DNAJC6: variants seen among roughly 807,000 people sequenced by gnomAD.
DNAJC6 encodes DnaJ heat shock protein family (Hsp40) member C6.
Under a neutral mutation model 110.0 loss-of-function variants are expected in DNAJC6, and 34 were observed. That is an observed-to-expected ratio of 0.31 (90% CI 0.24 to 0.41). The LOEUF is 0.41. DNAJC6 is among the 10% of genes least tolerant of loss of function. The probability of loss-of-function intolerance (pLI) is 1.00; values close to 1 mark genes in which losing one functional copy is unlikely to be tolerated. For missense variants in DNAJC6, 1,031 were observed against 1,207.8 expected, an observed-to-expected ratio of 0.85 and a Z score of 2.17; for synonymous variants, 406 against 437.2, an observed-to-expected ratio of 0.93 and a Z score of 0.89.
chr1:65,279,024 C>G (rs750845424), intron 1 of DNAJC6: 18 of 985,378 alleles, frequency 1.8e-5, no homozygotes, highest in Non-Finnish European at 2.2e-5. Context: ...TCCTGCAAAC[C>G]TGGAGATACT....
intron 1 of DNAJC6, among the ~76,000 whole-genome samples, chr1:65,355,977 T>C (rs1012789264): frequency 6.6e-6 from 1 of 151,496 alleles, no homozygotes; most frequent in African/African-American, 2.4e-5. Context: ...GCCATTCTAT[T>C]AATATTTCTA....
At chr1:65,269,504 G>C (rs758483186) in intron 1 of DNAJC6, among the ~76,000 whole-genome samples, 1 of 152,134 alleles carries the variant, frequency 6.6e-6, no homozygotes, top group Non-Finnish European at 1.5e-5. Context: ...ATAGTGTGGT[G>C]TTCATCCTCC....
intron 1 of DNAJC6, among the ~76,000 whole-genome samples, chr1:65,317,729 G>T (rs1469579217): frequency 2.0e-5 from 3 of 152,154 alleles, no homozygotes; most frequent in Non-Finnish European, 1.5e-5. Context: ...TTTTAGAAGT[G>T]TTATGCTGTG....
At chr1:65,284,810 T>TCCCA (rs1653963070) in intron 1 of DNAJC6, among the ~76,000 whole-genome samples, 1 of 151,972 alleles carries the variant, frequency 6.6e-6, no homozygotes, top group African/African-American at 2.4e-5. Context: ...TGCCTCAGCC[T>TCCCA]CCCAAGTAGC....
At position 65,414,188 on chromosome 1, in the gene DNAJC6, G is replaced by T. The variant is rs1646152153; in HGVS notation, c.*1163G>T. On this transcript the variant is annotated 3_prime_UTR_variant, in exon 19 of 19. Coordinates refer to ENST00000371069, the MANE Select transcript of DNAJC6 (RefSeq NM_001256864.2). ...GGCTTTTTTGTTTTAAAAGTGGTTGGGGATCCACAGGAACGACATTCATAC... is the reference window on the plus strand; with the variant it reads ...GGCTTTTTTGTTTTAAAAGTGGTTGTGGATCCACAGGAACGACATTCATAC... The T allele has an allele frequency of 6.6e-6, 1 of 152,154 alleles. No individual in the cohort carries two copies. Among genetic ancestry groups the T allele is most frequent in the Non-Finnish European group, 1.5e-5 (1 of 68,034 alleles). The allele number at this position is 152,154 out of a possible 1,614,324, so 9.4% of individuals were successfully genotyped here.
chr1:65,366,604 T>C (rs954873008), intron 4 of DNAJC6, among the ~76,000 whole-genome samples: 1 of 152,170 alleles, frequency 6.6e-6, no homozygotes, highest in Admixed American at 6.6e-5. Context: ...GATAGACCGG[T>C]ACTGACAAGT....
At chr1:65,394,603 A>G (rs1645959833) in intron 12 of DNAJC6, among the ~76,000 whole-genome samples, 1 of 152,244 alleles carries the variant, frequency 6.6e-6, no homozygotes, top group African/African-American at 2.4e-5. Context: ...GGATAAGGCT[A>G]GATAACAAAT....
intron 18 of DNAJC6, 107 bp downstream of exon 18, chr1:65,411,533 A>C: frequency 9.2e-7 from 1 of 1,084,512 alleles, no homozygotes; most frequent in Non-Finnish European, 1.3e-6. Flanking sequence ...TATTTTTAAT[A>C]AAATTAAGTC....
chr1:65,384,224 G>A lies in DNAJC6; in HGVS notation c.698G>A (p.Gly233Asp). Reference protein sequence around the residue: ...DGRAASSILVGAMFIFCNLYS... With the variant: ...DGRAASSILVDAMFIFCNLYS... Reference sequence around the variant, plus strand: ...CGGGCGGCATCATCAATTCTGGTTGGTGCTATGTTCATTTTCTGTAATCTC... The same window carrying A: ...CGGGCGGCATCATCAATTCTGGTTGATGCTATGTTCATTTTCTGTAATCTC... The change falls in exon 6 of 19, where the codon GGT becomes GAT. Residue 233 changes from glycine to aspartate, a missense_variant. Coordinates refer to ENST00000371069, the MANE Select transcript of DNAJC6 (RefSeq NM_001256864.2). The A allele has an allele frequency of 1.3e-6, 2 of 1,571,740 alleles. No homozygotes were observed. Among genetic ancestry groups the A allele is most frequent in the Non-Finnish European group, 1.7e-6 (2 of 1,161,688 alleles).
At chr1:65,372,183 GTGTGTC>G (rs1264729978) in intron 4 of DNAJC6, among the ~76,000 whole-genome samples, 2 of 146,410 alleles carry the variant, frequency 1.4e-5, no homozygotes, top group African/African-American at 5.3e-5. Flanking sequence ...GTGTGTGTGT[GTGTGTC>G]ATAGCCAGTT....
chr1:65,385,853 A>G lies in DNAJC6; in HGVS notation c.942A>G (p.Val314=). 1 of 1,613,758 alleles carries G rather than the reference A, an allele frequency of 6.2e-7. No homozygotes were observed. The change falls in exon 7 of 19, where the codon GTA becomes GTG. Residue 314 remains valine, a synonymous_variant. Transcript: ENST00000371069. ...ATGGATGTCGCCCTTACTGTGATGT[A>G]CTCATTGGAGAAACCAAAATATATT... ...QRNGCRPYCD[V]LIGETKIYST... is the part of the protein sequence containing the mutation.
intron 1 of DNAJC6, among the ~76,000 whole-genome samples, chr1:65,312,705 GA>G (rs1557515848): frequency 6.6e-6 from 1 of 152,286 alleles, no homozygotes; most frequent in Non-Finnish European, 1.5e-5. Context: ...CATTTCCCCA[GA>G]ATTTTATTAA....
chr1:65,271,670 CA>C (rs1653509977), intron 1 of DNAJC6, among the ~76,000 whole-genome samples: 1 of 151,790 alleles, frequency 6.6e-6, no homozygotes, highest in African/African-American at 2.4e-5. Flanking sequence ...AGTTGGAGAC[CA>C]GCCTGGCCAA....
At chr1:65,389,214 A>G in intron 9 of DNAJC6, 42 bp from the exon 10 acceptor site, 3 of 1,569,306 alleles carry the variant, frequency 1.9e-6, no homozygotes, top group Non-Finnish European at 8.7e-7. Context: ...TACCAGTTCC[A>G]TTGTTTTTCA....
intron 1 of DNAJC6, among the ~76,000 whole-genome samples, chr1:65,342,145 A>G (rs1029033619): frequency 2.2e-4 from 34 of 152,190 alleles, no homozygotes; most frequent in African/African-American, 8.2e-4. Flanking sequence ...AATAGGAGGC[A>G]GCAAAATGTT....
chr1:65,358,178 CAAAAAAAAAAAAA>C (rs11285114), intron 1 of DNAJC6, among the ~76,000 whole-genome samples: 2 of 80,038 alleles, frequency 2.5e-5, no homozygotes, highest in Admixed American at 3.2e-4. Context: ...GACTCAGTCT[CAAAAAAAAAAAAA>C]AAAAAAAAAC....
chr1:65,306,678 A>G (rs1385133893), upstream of DNAJC6, among the ~76,000 whole-genome samples: 1 of 152,198 alleles, frequency 6.6e-6, no homozygotes, highest in Non-Finnish European at 1.5e-5. Flanking sequence ...ATGATGTAGT[A>G]TTTTTGAGAT....
At chr1:65,269,142 C>G (rs915965115) in intron 1 of DNAJC6, among the ~76,000 whole-genome samples, 1 of 151,978 alleles carries the variant, frequency 6.6e-6, no homozygotes, top group African/African-American at 2.4e-5. Flanking sequence ...GCTGAGGTGG[C>G]AGATCACTTG....
At chr1:65,404,257 A>G (rs947159525) in intron 15 of DNAJC6, among the ~76,000 whole-genome samples, 3 of 152,252 alleles carry the variant, frequency 2.0e-5, no homozygotes, top group Non-Finnish European at 4.4e-5. Flanking sequence ...TGTACCAGGC[A>G]TGTGCTTATT....
Sources: allele counts gnomAD v4.1 joint callset (sites outside exome capture counted in the v4.1 genomes callset), GRCh38; gene constraint gnomAD v4.1.1; transcripts MANE v1.5; gene names NCBI Gene and HGNC (gene_info 2026-07-23, HGNC 2026-07-21).